The following AGBL3 variants were observed in gnomAD, a reference collection of about 807,000 sequenced individuals.
AGBL3 encodes the protein AGBL carboxypeptidase 3.
AGBL3 carries 68 observed loss-of-function variants against 94.5 expected under a neutral mutation model. The observed-to-expected ratio is 0.72, with a 90% CI of 0.59 to 0.88. The LOEUF is 0.88. AGBL3 is among the 40% of genes least tolerant of loss of function. The pLI, the probability that AGBL3 is intolerant of heterozygous loss-of-function variation, is 0.00. For missense variants in AGBL3, 934 were observed against 1,103.8 expected (o/e 0.85, Z 2.18); for synonymous variants, 354 against 370.7 (o/e 0.95, Z 0.52).
intron 5 of AGBL3, among the ~76,000 whole-genome samples, chr7:135,023,453 G>A (rs961871428): frequency 6.6e-6 from 1 of 152,122 alleles, no homozygotes; most frequent in African/African-American, 2.4e-5. Context: ...GCCTACTTTT[G>A]CTGCAGATTA....
Position 135,076,439 on chromosome 7 carries a change from G to C in AGBL3, c.1951G>C (p.Ala651Pro), listed in dbSNP as rs1235430270. Residue 651 changes from alanine to proline, a missense_variant, in exon 13 of 17, where the codon GCA (alanine) becomes CCA (proline). Physicochemically the swap from Ala to Pro is conservative, Grantham distance 27. Coordinates refer to ENST00000436302, the MANE Select transcript of AGBL3 (RefSeq NM_178563.4). ...AAAGAAGGAAAGGAATTCTACCATA[G>C]CAAGCCACCAAAATGCCAGAGGACA... ...KTKKERNSTI[A>P]SHQNARGQEV... 2.6e-6 allele frequency: 4 copies of C among 1,549,130 alleles called. No individual in the cohort carries two copies. Among genetic ancestry groups the C allele is most frequent in the East Asian group, 4.9e-5 (2 of 40,814 alleles).
chr7:135,102,252 A>G (rs946776082), intron 15 of AGBL3, among the ~76,000 whole-genome samples: 1 of 152,200 alleles, frequency 6.6e-6, no homozygotes, highest in Non-Finnish European at 1.5e-5. Context: ...TGGAACATAA[A>G]GTTTCTTCAT....
intron 4 of AGBL3, among the ~76,000 whole-genome samples, chr7:135,015,742 T>C (rs1034585884): frequency 6.6e-6 from 1 of 151,490 alleles, no homozygotes; most frequent in Non-Finnish European, 1.5e-5. Context: ...AGGCCGGGCA[T>C]GGTGGCTCAC....
chr7:135,044,493 T>C (rs10265256), intron 9 of AGBL3, among the ~76,000 whole-genome samples: 74,243 of 151,828 alleles, frequency 0.49, 18,506 homozygotes, highest in South Asian at 0.66. Context: ...AAATGGACTT[T>C]TGGGGGTCAA....
At chr7:134,993,347 A>C (rs550198159) in intron 3 of AGBL3, 146 bp from the exon 4 acceptor site, 10 of 647,534 alleles carry the variant, frequency 1.5e-5, no homozygotes, top group Non-Finnish European at 1.9e-5. Context: ...TAGTACTTTT[A>C]TAAACAGTGC....
chr7:135,015,936 C>T (rs1419978060), intron 4 of AGBL3, among the ~76,000 whole-genome samples: 1 of 149,750 alleles, frequency 6.7e-6, no homozygotes, highest in Non-Finnish European at 1.5e-5. Context: ...GAGGCTGAGG[C>T]AGGAGAATGG....
chr7:135,026,404 A>G (rs2116358932), intron 5 of AGBL3, among the ~76,000 whole-genome samples: 1 of 151,166 alleles, frequency 6.6e-6, no homozygotes, highest in Non-Finnish European at 1.5e-5. Context: ...TTTCCCAAGA[A>G]GCTGGGATTA....
chr7:135,130,699 C>T (rs988947113), intron 16 of AGBL3, among the ~76,000 whole-genome samples: 3 of 152,098 alleles, frequency 2.0e-5, no homozygotes, highest in African/African-American at 7.2e-5. Flanking sequence ...CATATAGTGA[C>T]AGTATAACCT....
At chr7:135,065,765 G>A (rs2116732848) in intron 12 of AGBL3, among the ~76,000 whole-genome samples, 1 of 152,206 alleles carries the variant, frequency 6.6e-6, no homozygotes, top group African/African-American at 2.4e-5. Context: ...GGTGGCTCAC[G>A]CCTATAGTCC....
intron 11 of AGBL3, chr7:135,051,092 T>A (rs1817836473): frequency 2.4e-6 from 1 of 419,608 alleles, no homozygotes; most frequent in African/African-American, 2.1e-5. Context: ...ACTGGAAAAT[T>A]CAATGCCACA....
At chr7:135,059,263 T>C in intron 12 of AGBL3, 28 bp downstream of exon 12, 6 of 1,514,292 alleles carry the variant, frequency 4.0e-6, no homozygotes, top group Non-Finnish European at 5.4e-6. Flanking sequence ...TGCTTATATG[T>C]GGATATGCTG....
chr7:135,121,173 C>G (rs1330968896), intron 16 of AGBL3, among the ~76,000 whole-genome samples: 1 of 152,052 alleles, frequency 6.6e-6, no homozygotes, highest in Non-Finnish European at 1.5e-5. Flanking sequence ...CCATTGCACT[C>G]CAGCCTGGGC....
intron 15 of AGBL3, among the ~76,000 whole-genome samples, chr7:135,083,839 G>A (rs1178665095): frequency 6.6e-6 from 1 of 152,170 alleles, no homozygotes; most frequent in Non-Finnish European, 1.5e-5. Flanking sequence ...ATTACCAAAA[G>A]AGTTTATGTA....
At chr7:135,081,878 G>T in intron 15 of AGBL3, 88 bp downstream of exon 15, 1 of 825,432 alleles carries the variant, frequency 1.2e-6, no homozygotes, top group Non-Finnish European at 1.8e-6. Context: ...ATACACAGGG[G>T]AAACAGTAGA....
Position 135,081,723 on chromosome 7 carries a change from A to G in AGBL3, c.2043A>G (p.Thr681=), listed in dbSNP as rs1820936814. ...HTQSNSDVKD[T]RPNEPDDYMV... is the part of the protein sequence containing the mutation. Reference sequence around the variant, plus strand: ...GATCTTTATCATCTTCTCTAGATACAAGGCCAAATGAACCAGATGATTATA... The same window carrying G: ...GATCTTTATCATCTTCTCTAGATACGAGGCCAAATGAACCAGATGATTATA... Residue 681 remains threonine (T), a synonymous_variant, in exon 15 of 17, where the codon ACA becomes ACG. Coordinates refer to ENST00000436302, the MANE Select transcript of AGBL3 (RefSeq NM_178563.4). 2.6e-6 allele frequency: 4 copies of G among 1,536,130 alleles called. No individual in the cohort carries two copies. Among genetic ancestry groups the G allele is most frequent in the Non-Finnish European group, 3.5e-6 (4 of 1,135,490 alleles).
intron 4 of AGBL3, among the ~76,000 whole-genome samples, chr7:135,000,691 C>T (rs1046492786): frequency 6.6e-6 from 1 of 152,212 alleles, no homozygotes; most frequent in African/African-American, 2.4e-5. Flanking sequence ...CTAATACATT[C>T]AGTCACAGGG....
intron 15 of AGBL3, 49 bp downstream of exon 15, chr7:135,081,839 G>C (rs1174045505): frequency 8.3e-7 from 1 of 1,205,188 alleles, no homozygotes; most frequent in Non-Finnish European, 1.2e-6. Flanking sequence ...CCTATGATCT[G>C]AATGTTATTT....
At chr7:134,991,476 T>C (rs1447322573) in intron 3 of AGBL3, among the ~76,000 whole-genome samples, 2 of 152,194 alleles carry the variant, frequency 1.3e-5, no homozygotes, top group Non-Finnish European at 2.9e-5. Context: ...TTTCTTAGTC[T>C]AGGCCAGAAT....
chr7:135,052,526 T>C (rs1245149280), intron 11 of AGBL3, among the ~76,000 whole-genome samples: 1 of 152,172 alleles, frequency 6.6e-6, no homozygotes, highest in Non-Finnish European at 1.5e-5. Context: ...ATCACCCAAA[T>C]TGTGAATATA....
Sources: gnomAD v4.1 joint callset for allele counts (sites outside exome capture counted in the v4.1 genomes callset) on GRCh38, gnomAD v4.1.1 for gene constraint, MANE v1.5 for transcripts, NCBI Gene and HGNC (gene_info 2026-07-23, HGNC 2026-07-21) for gene names.